Variants in SLFN5 observed in about 807,000 individuals in gnomAD.
SLFN5 encodes schlafen family member 5.
Under a neutral mutation model 48.5 loss-of-function variants are expected in SLFN5, and 34 were observed. The observed-to-expected ratio is 0.70, with a 90% CI of 0.53 to 0.93. The LOEUF is 0.93. Ranked by LOEUF, SLFN5 falls within the 40% of genes least tolerant of loss-of-function variation. The probability of loss-of-function intolerance (pLI) is 0.00; values close to 1 mark genes in which losing one functional copy is unlikely to be tolerated. For missense variants in SLFN5, 1,006 were observed against 1,071.3 expected (o/e 0.94, Z 0.85); for synonymous variants, 387 against 396.2 (o/e 0.98, Z 0.28).
At position 35,259,584 on chromosome 17, in the gene SLFN5, GGAGAA is replaced by G. The variant is rs1224517366; in HGVS notation, c.895_899del (p.Glu299IlefsTer11). 6.2e-7 allele frequency: 1 copy of G among 1,612,976 alleles called. No individual in the cohort carries two copies. The highest frequency in any genetic ancestry group is 1.7e-5 in the Admixed American group (1 of 60,028). On this transcript the variant is annotated frameshift_variant, in exon 2 of 5. Coordinates refer to ENST00000299977, the MANE Select transcript of SLFN5 (RefSeq NM_144975.4). LOFTEE classifies it high-confidence loss of function. ...GTGGATATGTCTGTGCAATCAAGGT[GGAGAA>G]ATTCTGCTGTGCGGTGTTTGCCAAA...
chr17:35,265,492 T>C lies in SLFN5; in HGVS notation c.2280T>C (p.Ile760=), dbSNP rs1201405774. The stretch of plus-strand genomic sequence containing the variant: ...AAGGTGTCCCAGGCAACTTAGAGAT[T>C]ATTGAAGACTTGAACTTGGAGGAGA... ...WAQGVPGNLE[I]IEDLNLEEIL... The change falls in exon 5 of 5, where the codon ATT becomes ATC. Residue 760 remains isoleucine, a synonymous_variant. Transcript: ENST00000299977. 3 of 1,614,236 alleles carry C rather than the reference T, an allele frequency of 1.9e-6. No individual in the cohort carries two copies. Among genetic ancestry groups the C allele is most frequent in the Admixed American group, 3.3e-5 (2 of 60,026 alleles).
chr17:35,260,710 C>CAAAA (rs1555591676), intron 2 of SLFN5, among the ~76,000 whole-genome samples: 2 of 151,934 alleles, frequency 1.3e-5, no homozygotes, highest in Non-Finnish European at 1.5e-5. Flanking sequence ...GAGACTGTTT[C>CAAAA]AATAAATAAA....
chr17:35,269,104 C>T lies in SLFN5; in HGVS notation c.*3216C>T, dbSNP rs761865757. On this transcript the variant is annotated 3_prime_UTR_variant, in exon 5 of 5. Coordinates refer to ENST00000299977, the MANE Select transcript of SLFN5 (RefSeq NM_144975.4). ...TCTTGACCAGAAGCATCTAAGAAGG[C>T]AGTGAAGCAACATGTGTACAGTTCT... 2 of 152,134 alleles carry T rather than the reference C, an allele frequency of 1.3e-5. No homozygotes were observed. The highest frequency in any genetic ancestry group is 2.9e-5 in the Non-Finnish European group (2 of 68,034). 9.4% of individuals were successfully genotyped at this position (152,134 alleles called of 1,614,324 possible).
chr17:35,265,895 A>T lies in SLFN5; in HGVS notation c.*7A>T. The T allele has an allele frequency of 6.4e-7, 1 of 1,565,262 alleles. No individual in the cohort carries two copies. Among genetic ancestry groups the T allele is most frequent in the Non-Finnish European group, 8.6e-7 (1 of 1,158,920 alleles). On this transcript the variant is annotated 3_prime_UTR_variant, in exon 5 of 5. Coordinates refer to ENST00000299977, the MANE Select transcript of SLFN5 (RefSeq NM_144975.4). ...TCTGAAGGCTTCTGTGTGACAGGAA[A>T]CCCAAGCCTAAGAAACAATTAAGTG...
In SLFN5 at chr17:35,264,519, C is replaced by T; in HGVS notation, c.1475C>T (p.Pro492Leu). Residue 492 changes from proline to leucine, a missense_variant, in exon 4 of 5, where the codon CCC becomes CTC. Pro to Leu is a moderately conservative substitution (Grantham distance 98). Transcript: ENST00000299977. Reference protein sequence around the residue: ...GGYTGRLCITPLVCVLNSDRK... With the variant: ...GGYTGRLCITLLVCVLNSDRK... The stretch of plus-strand genomic sequence containing the variant: ...TACACTGGGAGGTTATGCATCACCC[C>T]CTTGGTCTGTGTGCTGAATTCTGAT... 1 of 1,614,098 alleles carries T rather than the reference C, an allele frequency of 6.2e-7. No homozygotes were observed. The highest frequency in any genetic ancestry group is 8.5e-7 in the Non-Finnish European group (1 of 1,180,006).
intron 1 of SLFN5, among the ~76,000 whole-genome samples, chr17:35,250,715 G>C (rs1430650012): frequency 1.3e-5 from 2 of 151,120 alleles, no homozygotes; most frequent in Non-Finnish European, 2.9e-5. Context: ...TTGTGATTCA[G>C]TTCTGATACA....
At position 35,265,599 on chromosome 17, in the gene SLFN5, A is replaced by G; in HGVS notation, c.2387A>G (p.Lys796Arg). 1 of 1,614,230 alleles carries G rather than the reference A, an allele frequency of 6.2e-7. No homozygotes were observed. Among genetic ancestry groups the G allele is most frequent in the Non-Finnish European group, 8.5e-7 (1 of 1,180,048 alleles). The part of the protein sequence containing the change: ...SPKDIAVLFT[K>R]ASEVEKYKDR... ...AAGGATATTGCTGTGCTTTTCACCAAAGCAAGTGAAGTGGAAAAATATAAA... is the reference window on the plus strand; with the variant it reads ...AAGGATATTGCTGTGCTTTTCACCAGAGCAAGTGAAGTGGAAAAATATAAA... Residue 796 changes from lysine (K) to arginine (R), a missense_variant, in exon 5 of 5, where the codon AAA (lysine) becomes AGA (arginine). Coordinates refer to ENST00000299977, the MANE Select transcript of SLFN5 (RefSeq NM_144975.4).
chr17:35,251,310 A>T (rs1417063017), intron 1 of SLFN5, among the ~76,000 whole-genome samples: 1 of 152,232 alleles, frequency 6.6e-6, no homozygotes, highest in Non-Finnish European at 1.5e-5. Context: ...GCAAAACTTG[A>T]TGATGCTTCT....
At chr17:35,249,042 A>T (rs2092436729) in intron 1 of SLFN5, among the ~76,000 whole-genome samples, 1 of 152,212 alleles carries the variant, frequency 6.6e-6, no homozygotes, top group Non-Finnish European at 1.5e-5. Flanking sequence ...TGGACCATGC[A>T]AACAAAAAAA....
intron 2 of SLFN5, among the ~76,000 whole-genome samples, chr17:35,260,572 A>T (rs1904492142): frequency 6.6e-6 from 1 of 152,040 alleles, no homozygotes; most frequent in South Asian, 2.1e-4. Flanking sequence ...CAAAAATACA[A>T]AAAATTAGCT....
chr17:35,257,517 C>G (rs1007218515), intron 1 of SLFN5, among the ~76,000 whole-genome samples: 7 of 151,642 alleles, frequency 4.6e-5, no homozygotes, highest in Non-Finnish European at 1.0e-4. Flanking sequence ...TCTACTGGAT[C>G]TCAGATCCTT....
intron 1 of SLFN5, among the ~76,000 whole-genome samples, chr17:35,256,395 A>G (rs1904344564): frequency 6.6e-6 from 1 of 152,168 alleles, no homozygotes; most frequent in Non-Finnish European, 1.5e-5. Flanking sequence ...TAATAGTGAA[A>G]GTGGATGTCA....
rs759454993 is a variant in SLFN5 at position 35,265,074 on chromosome 17, T to G, written c.1862T>G (p.Phe621Cys). Residue 621 changes from phenylalanine to cysteine, a missense_variant and splice_region_variant, in exon 5 of 5, where the codon TTC becomes TGC. Phe to Cys is a radical substitution (Grantham distance 205). Coordinates refer to ENST00000299977, the MANE Select transcript of SLFN5 (RefSeq NM_144975.4). ...ENQPLKKLVS[F>C]SKKNICQPVT... ...AAACCTGACTCTGTTTCTTACAGTT[T>G]CAGCAAGAAAAACATCTGCCAGCCA... The G allele has an allele frequency of 6.2e-7, 1 of 1,606,808 alleles. No homozygotes were observed. The highest frequency in any genetic ancestry group is 8.5e-7 in the Non-Finnish European group (1 of 1,176,578).
chr17:35,253,178 C>G (rs1482396444), intron 1 of SLFN5, among the ~76,000 whole-genome samples: 2 of 152,012 alleles, frequency 1.3e-5, no homozygotes, highest in Non-Finnish European at 2.9e-5. Flanking sequence ...CCTTGGACCT[C>G]TTTCATAAGG....
rs1377623651 is a variant in SLFN5, at chr17:35,266,181, C to CGCGT, written c.*296_*297insTGCG. ...GTGTGTGTGTGTGTGTGTGTGTGCG[C>CGCGT]GCGCGCACGTGCACATGTGTGTAGG... is the stretch of plus-strand genomic sequence containing the variant. On this transcript the variant is annotated 3_prime_UTR_variant, in exon 5 of 5. Coordinates refer to ENST00000299977, the MANE Select transcript of SLFN5 (RefSeq NM_144975.4). 1.1e-4 allele frequency: 18 copies of CGCGT among 157,612 alleles called. No individual in the cohort carries two copies. The highest frequency in any genetic ancestry group is 3.8e-4 in the Admixed American group (5 of 13,220). 9.8% of individuals were successfully genotyped at this position (157,612 alleles called of 1,614,324 possible). A position where few individuals can be genotyped will look rare whatever the true frequency, so the allele number is the denominator to read the frequency against.
Position 35,273,324 on chromosome 17 carries a change from T to C in SLFN5, c.*7436T>C, listed in dbSNP as rs1214911874. 1 of 152,228 alleles carries C rather than the reference T, an allele frequency of 6.6e-6. No individual in the cohort carries two copies. Among genetic ancestry groups the C allele is most frequent in the African/African-American group, 2.4e-5 (1 of 41,462 alleles). 9.4% of individuals were successfully genotyped at this position (152,228 alleles called of 1,614,324 possible). A position where few individuals can be genotyped will look rare whatever the true frequency, so the allele number is the denominator to read the frequency against. On this transcript the variant is annotated 3_prime_UTR_variant, in exon 5 of 5. Coordinates refer to ENST00000299977, the MANE Select transcript of SLFN5 (RefSeq NM_144975.4). Reference sequence around the variant, plus strand: ...TTGACTCCAGGGAAGAACAGATGGGTGCCAGAGTGAAAAAAAGATAGCTTT... The same window carrying C: ...TTGACTCCAGGGAAGAACAGATGGGCGCCAGAGTGAAAAAAAGATAGCTTT...
rs530974941 is a variant in SLFN5 at position 35,269,054 on chromosome 17, G to A, written c.*3166G>A. On this transcript the variant is annotated 3_prime_UTR_variant, in exon 5 of 5. Coordinates refer to ENST00000299977, the MANE Select transcript of SLFN5 (RefSeq NM_144975.4). ...ATTTTGCAATTGTTTCAGGAGGGAGGATAAATATGGTCCCTGTTCCTCTAT... is the reference window on the plus strand; with the variant it reads ...ATTTTGCAATTGTTTCAGGAGGGAGAATAAATATGGTCCCTGTTCCTCTAT... The A allele has an allele frequency of 7.9e-5, 12 of 152,256 alleles. No homozygotes were observed. The highest frequency in any genetic ancestry group is 2.6e-4 in the African/African-American group (11 of 41,538). 9.4% of individuals were successfully genotyped at this position (152,256 alleles called of 1,614,324 possible).
intron 1 of SLFN5, among the ~76,000 whole-genome samples, chr17:35,257,908 A>G (rs140960681): frequency 2.5e-4 from 38 of 152,280 alleles, no homozygotes; most frequent in African/African-American, 8.9e-4. Context: ...AAAACAATAA[A>G]TATTAGCACA....
Position 35,271,048 on chromosome 17 carries a change from G to A in SLFN5, c.*5160G>A, listed in dbSNP as rs1247370486. On this transcript the variant is annotated 3_prime_UTR_variant, in exon 5 of 5. Transcript: ENST00000299977. Reference sequence around the variant, plus strand: ...GACAATAACTATTTCACTAGCAAGGGTAGACGTAAGCAGAATACAGGTAGC... The same window carrying A: ...GACAATAACTATTTCACTAGCAAGGATAGACGTAAGCAGAATACAGGTAGC... The A allele has an allele frequency of 6.6e-6, 1 of 152,130 alleles. No individual in the cohort carries two copies. Among genetic ancestry groups the A allele is most frequent in the Non-Finnish European group, 1.5e-5 (1 of 68,016 alleles). 9.4% of individuals were successfully genotyped at this position (152,130 alleles called of 1,614,324 possible). A position where few individuals can be genotyped will look rare whatever the true frequency, so the allele number is the denominator to read the frequency against.
Sources: allele counts gnomAD v4.1 joint callset (sites outside exome capture counted in the v4.1 genomes callset), GRCh38; gene constraint gnomAD v4.1.1; transcripts MANE v1.5; gene names NCBI Gene and HGNC (gene_info 2026-07-23, HGNC 2026-07-21).